Variants in CTBP1 observed in about 807,000 individuals in gnomAD.
CTBP1 encodes C-terminal binding protein 1.
Under a neutral mutation model 42.1 loss-of-function variants are expected in CTBP1, and 11 were observed. The ratio of observed to expected loss-of-function variants is 0.26; its 90% CI spans 0.16 to 0.43. The LOEUF is 0.43. Among genes scored for constraint, CTBP1 ranks in the 20% least tolerant of loss-of-function variants. CTBP1 has a pLI of 1.00. For missense variants in CTBP1, 399 were observed against 624.3 expected (o/e 0.64, Z 3.85); for synonymous variants, 324 against 277.1 (o/e 1.17, Z -1.68).
At chr4:1,240,264 G>C (rs1267370949) in intron 2 of CTBP1, among the ~76,000 whole-genome samples, 2 of 95,506 alleles carry the variant, frequency 2.1e-5, no homozygotes, top group African/African-American at 6.1e-5. Flanking sequence ...GGGTGAGTGG[G>C]ACCGGGTCCC....
At chr4:1,222,467 C>A (rs1205673314) in intron 5 of CTBP1, among the ~76,000 whole-genome samples, 3 of 152,124 alleles carry the variant, frequency 2.0e-5, no homozygotes, top group African/African-American at 7.2e-5. Context: ...GGGGGGCCTG[C>A]CCGAGAGCCC....
At chr4:1,216,581 C>T (rs1201089585) in intron 5 of CTBP1, 5 of 344,580 alleles carry the variant, frequency 1.5e-5, no homozygotes, top group Admixed American at 4.6e-5. Flanking sequence ...CAGGCCCCTC[C>T]GCTGGCCTTT....
At chr4:1,225,253 C>T (rs1353955632) in intron 5 of CTBP1, 107 bp downstream of exon 5, 1 of 1,334,634 alleles carries the variant, frequency 7.5e-7, no homozygotes, top group African/African-American at 1.4e-5. Context: ...GGGACCGACA[C>T]CTGCAGCAGC....
intron 5 of CTBP1, chr4:1,217,778 G>A (rs1354968559): frequency 6.6e-6 from 1 of 152,256 alleles, no homozygotes; most frequent in African/African-American, 2.4e-5. Flanking sequence ...GAGACAGGAG[G>A]ATGTAGTTTC....
rs1733032814 is a variant in CTBP1, at chr4:1,248,713, C to G, written c.-189+203G>C. On this transcript the variant is annotated intron_variant, in intron 1 of 9. Transcript: ENST00000382952. ...GACTGCGGCGCTCGCGCACACGCAG[C>G]GGCCCGCGCATGCGCAAGACCCTTC... 5.1e-6 allele frequency: 5 copies of G among 981,830 alleles called. No individual in the cohort carries two copies. In the South Asian group the frequency reaches 1.4e-4, roughly 28 times the overall value. The allele number at this position is 981,830 out of a possible 1,614,324, so 60.8% of individuals were successfully genotyped here. A position where few individuals can be genotyped will look rare whatever the true frequency, so the allele number is the denominator to read the frequency against.
intron 1 of CTBP1, 91 bp downstream of exon 1, chr4:1,248,825 G>GGCCTTAC: frequency 1.1e-6 from 1 of 907,998 alleles, no homozygotes; most frequent in Non-Finnish European, 1.3e-6. Flanking sequence ...GCGGGCGCGC[G>GGCCTTAC]CTCGGTCCGC....
intron 4 of CTBP1, 112 bp downstream of exon 4, chr4:1,228,087 C>T: frequency 6.9e-7 from 1 of 1,454,558 alleles, no homozygotes; most frequent in Non-Finnish European, 9.4e-7. Flanking sequence ...GCCAGCCACA[C>T]CAGGCAATGT....
rs535250045 is a variant in CTBP1, at chr4:1,242,256, A to G, written c.-188-737T>C. On this transcript the variant is annotated intron_variant, in intron 1 of 9. Coordinates refer to ENST00000382952, the MANE Select transcript of CTBP1 (RefSeq NM_001012614.2). The stretch of plus-strand genomic sequence containing the variant: ...GGCTTGAGAGTGCACACGATCGCCC[A>G]GCCCTCGGGAGGGTGTCACTGAGCT... The G allele has an allele frequency of 2.0e-4, 202 of 985,400 alleles. 1 individual carries two copies. The South Asian group carries it at 2.8e-3, about 14-fold the overall frequency. The allele number at this position is 985,400 out of a possible 1,614,324, so 61.0% of individuals were successfully genotyped here.
intron 5 of CTBP1, among the ~76,000 whole-genome samples, chr4:1,220,787 G>A (rs1311457677): frequency 2.0e-5 from 3 of 152,270 alleles, no homozygotes; most frequent in African/African-American, 7.2e-5. Context: ...GCCATCCCGG[G>A]AAAGGGTGGG....
chr4:1,218,965 AG>A (rs1274361105), intron 5 of CTBP1, among the ~76,000 whole-genome samples: 1 of 152,208 alleles, frequency 6.6e-6, no homozygotes, highest in Admixed American at 6.5e-5. Context: ...AACACTCAAG[AG>A]GCAAAGACTG....
upstream of CTBP1, chr4:1,249,754 C>T: frequency 2.9e-6 from 1 of 347,554 alleles, no homozygotes; most frequent in South Asian, 1.9e-5. Context: ...GCGTCCTGCC[C>T]GGCCCGGGAA....
Position 1,212,951 on chromosome 4 carries a change from G to A in CTBP1, c.1068C>T (p.Pro356=), listed in dbSNP as rs112982065. The change falls in exon 9 of 10, where the codon CCC becomes CCT. Residue 356 remains proline (P), a synonymous_variant. Transcript: ENST00000382952. Reference sequence around the variant, plus strand: ...CATTGAGCTCAGGGTGCACGACGGCGGGGTCCATGCTGGCCCAGTGGGTGG... The same window carrying A: ...CATTGAGCTCAGGGTGCACGACGGCAGGGTCCATGCTGGCCCAGTGGGTGG... The part of the protein sequence containing the change: ...TAATHWASMD[P]AVVHPELNGA... 61 of 1,613,852 alleles carry A rather than the reference G, an allele frequency of 3.8e-5. No individual in the cohort carries two copies. The highest frequency in any genetic ancestry group is 1.7e-4 in the African/African-American group (13 of 75,054).
In CTBP1 at chr4:1,238,134, T is replaced by A; in HGVS notation, c.162+49A>T. Reference sequence around the variant, plus strand: ...CCTGCCGTGCTCCCGTCCCTCCAACTCCCCCCAACGTGCGGTTCTGCCAGC... The same window carrying A: ...CCTGCCGTGCTCCCGTCCCTCCAACACCCCCCAACGTGCGGTTCTGCCAGC... On this transcript the variant is annotated intron_variant, in intron 3 of 9. Coordinates refer to ENST00000382952, the MANE Select transcript of CTBP1 (RefSeq NM_001012614.2). This position sits in a 1 kb window ranked among gnomAD's most constrained non-coding sequence, Gnocchi z 5.9. 2 of 1,611,036 alleles carry A rather than the reference T, an allele frequency of 1.2e-6. No homozygotes were observed. The highest frequency in any genetic ancestry group is 1.7e-6 in the Non-Finnish European group (2 of 1,178,988).
intron 4 of CTBP1, among the ~76,000 whole-genome samples, chr4:1,227,044 C>T (rs1408773074): frequency 6.6e-6 from 1 of 152,062 alleles, no homozygotes; most frequent in African/African-American, 2.4e-5. Flanking sequence ...GGAGAAAAAA[C>T]AGACCGAGCC....
At chr4:1,222,564 C>T (rs751008045) in intron 5 of CTBP1, among the ~76,000 whole-genome samples, 14 of 152,178 alleles carry the variant, frequency 9.2e-5, no homozygotes, top group Non-Finnish European at 1.5e-4. Context: ...CTCAGGACGC[C>T]GGGGTCCCCG....
At chr4:1,213,931 T>C (rs1728821493) in intron 7 of CTBP1, 1 of 411,658 alleles carries the variant, frequency 2.4e-6, no homozygotes, top group African/African-American at 2.1e-5. Flanking sequence ...AGGCTGATAC[T>C]GCCCCTGTGG....
intron 4 of CTBP1, 97 bp downstream of exon 4, chr4:1,228,102 C>T (rs1560254982): frequency 2.0e-6 from 3 of 1,513,156 alleles, no homozygotes; most frequent in Non-Finnish European, 1.8e-6. Context: ...CAATGTGCAA[C>T]GGGGTCCTCA....
At chr4:1,216,853 G>GA (rs1729178970) in intron 5 of CTBP1, 3 of 161,190 alleles carry the variant, frequency 1.9e-5, no homozygotes, top group Admixed American at 1.7e-4. Context: ...CCTCCTCGGG[G>GA]AAGGGTCTGC....
At chr4:1,224,097 G>C (rs554975775) in intron 5 of CTBP1, among the ~76,000 whole-genome samples, 12 of 152,250 alleles carry the variant, frequency 7.9e-5, no homozygotes, top group Non-Finnish European at 1.6e-4. Flanking sequence ...GCCAGCTCCA[G>C]GGGACTCAAG....
Sources: allele counts gnomAD v4.1 joint callset (sites outside exome capture counted in the v4.1 genomes callset), GRCh38; gene constraint gnomAD v4.1.1; non-coding constraint Gnocchi (gnomAD v3.1); transcripts MANE v1.5; gene names NCBI Gene and HGNC (gene_info 2026-07-23, HGNC 2026-07-21).